Variants in ZNF804B observed in about 807,000 individuals in gnomAD.
The protein encoded by ZNF804B is zinc finger 804B.
In ZNF804B, 80 loss-of-function variants were observed where a neutral mutation model predicts 101.4. The ratio of observed to expected loss-of-function variants is 0.79; its 90% CI spans 0.66 to 0.95. The LOEUF is 0.95. Among genes scored for constraint, ZNF804B ranks in the 40% least tolerant of loss-of-function variants. The probability of loss-of-function intolerance (pLI) is 0.00; values close to 1 mark genes in which losing one functional copy is unlikely to be tolerated. For missense variants in ZNF804B, 1,673 were observed against 1,561.9 expected (o/e 1.07, Z -1.20); for synonymous variants, 622 against 558.8 (o/e 1.11, Z -1.59).
intron 2 of ZNF804B, among the ~76,000 whole-genome samples, chr7:89,277,273 C>T (rs543040992): frequency 1.9e-4 from 28 of 150,142 alleles, no homozygotes; most frequent in Non-Finnish European, 3.6e-4. Context: ...TTAGTCATAT[C>T]TGATGCTAAG....
intron 1 of ZNF804B, among the ~76,000 whole-genome samples, chr7:89,135,133 G>A (rs1468016358): frequency 6.6e-6 from 1 of 152,088 alleles, no homozygotes. Context: ...CCAAGCTCAA[G>A]CATCCATCAC....
intron 1 of ZNF804B, among the ~76,000 whole-genome samples, chr7:88,997,305 T>C (rs116044535): frequency 1.3e-5 from 2 of 152,110 alleles, no homozygotes; most frequent in African/African-American, 4.8e-5. Flanking sequence ...AGGGATGTGG[T>C]TGAATTTCAA....
intron 2 of ZNF804B, among the ~76,000 whole-genome samples, chr7:89,258,143 A>G (rs1417052524): frequency 6.6e-6 from 1 of 152,074 alleles, no homozygotes; most frequent in Non-Finnish European, 1.5e-5. Flanking sequence ...AACTATTTAT[A>G]TAAACTTTAC....
At chr7:89,147,103 T>TATATATATA (rs1562897027) in intron 1 of ZNF804B, among the ~76,000 whole-genome samples, 3 of 130,188 alleles carry the variant, frequency 2.3e-5, no homozygotes, top group Non-Finnish European at 4.9e-5. Context: ...ATATATATAT[T>TATATATATA]TAATGTTTAA....
intron 1 of ZNF804B, among the ~76,000 whole-genome samples, chr7:88,924,499 T>A (rs1792767063): frequency 6.6e-6 from 1 of 152,150 alleles, no homozygotes; most frequent in African/African-American, 2.4e-5. Flanking sequence ...TAAGCCTTTG[T>A]GGTAGGGGAC....
intron 1 of ZNF804B, among the ~76,000 whole-genome samples, chr7:88,860,635 A>G (rs532110449): frequency 6.6e-6 from 1 of 152,226 alleles, no homozygotes; most frequent in South Asian, 2.1e-4. Flanking sequence ...TGTCTGAGAT[A>G]ATTGGATTGT....
At chr7:88,955,011 A>G (rs745528663) in intron 1 of ZNF804B, among the ~76,000 whole-genome samples, 2 of 151,194 alleles carry the variant, frequency 1.3e-5, no homozygotes, top group Non-Finnish European at 3.0e-5. Flanking sequence ...TTATAATCCT[A>G]GCTCTTAGGG....
At chr7:89,230,241 C>T (rs1789168777) in intron 2 of ZNF804B, among the ~76,000 whole-genome samples, 1 of 151,562 alleles carries the variant, frequency 6.6e-6, no homozygotes, top group African/African-American at 2.4e-5. Context: ...AGCTGACTCT[C>T]TTAAAAAGAT....
chr7:89,225,204 A>G (rs1317974244), intron 2 of ZNF804B, among the ~76,000 whole-genome samples: 1 of 152,042 alleles, frequency 6.6e-6, no homozygotes, highest in Non-Finnish European at 1.5e-5. Context: ...TGTACCTTGT[A>G]ATGGCCAGAG....
intron 1 of ZNF804B, among the ~76,000 whole-genome samples, chr7:88,875,401 A>G (rs1014100466): frequency 2.0e-5 from 3 of 152,204 alleles, no homozygotes; most frequent in African/African-American, 4.8e-5. Flanking sequence ...AACAAAATTG[A>G]TAAACTGCTA....
intron 2 of ZNF804B, among the ~76,000 whole-genome samples, chr7:89,298,600 C>T (rs1790429044): frequency 6.6e-6 from 1 of 151,634 alleles, no homozygotes; most frequent in African/African-American, 2.4e-5. Context: ...CCTTGTATTA[C>T]AAAGCAATAA....
chr7:89,277,535 T>A (rs978826455), intron 2 of ZNF804B, among the ~76,000 whole-genome samples: 1 of 128,730 alleles, frequency 7.8e-6, no homozygotes, highest in African/African-American at 2.9e-5. Flanking sequence ...GAGTGTGATG[T>A]TCCCCTTCCT....
At chr7:88,908,591 G>GT (rs1554345449) in intron 1 of ZNF804B, among the ~76,000 whole-genome samples, 6 of 151,662 alleles carry the variant, frequency 4.0e-5, no homozygotes, top group Admixed American at 2.0e-4. Context: ...TCTTCCCAGT[G>GT]TTTTTTTAAA....
chr7:88,783,617 G>C (rs1790260286), intron 1 of ZNF804B, among the ~76,000 whole-genome samples: 1 of 152,132 alleles, frequency 6.6e-6, no homozygotes, highest in Non-Finnish European at 1.5e-5. Context: ...CTTCACTTTT[G>C]TGAATAAAAA....
rs565336126 is a variant in ZNF804B, at chr7:88,875,488, A to T, written c.108+115404A>T. On this transcript the variant is annotated intron_variant, in intron 1 of 3. Coordinates refer to ENST00000333190, the MANE Select transcript of ZNF804B (RefSeq NM_181646.5). ...AATCATAAAGGAGATATCACCACCG[A>T]TCCCACAGAAATACAAACTACCATC... 5.3e-5 allele frequency among the ~76,000 whole-genome samples: 8 copies of T among 152,338 alleles called. 1 individual carries two copies. Among genetic ancestry groups the T allele is most frequent in the Admixed American group, 5.2e-4 (8 of 15,294 alleles).
At chr7:89,036,553 T>A (rs2040529) in intron 1 of ZNF804B, among the ~76,000 whole-genome samples, 23,666 of 152,038 alleles carry the variant, frequency 0.16, 2,133 homozygotes, top group East Asian at 0.23. Context: ...TAAGTGTGGT[T>A]TTTGAAAAAG....
chr7:88,794,537 G>A, intron 1 of ZNF804B: 1 of 1,613,638 alleles, frequency 6.2e-7, no homozygotes, highest in South Asian at 1.1e-5. Context: ...GGAATGTTAT[G>A]AGAAATGACT....
intron 1 of ZNF804B, among the ~76,000 whole-genome samples, chr7:88,872,465 T>G (rs1583988596): frequency 6.6e-6 from 1 of 152,116 alleles, no homozygotes; most frequent in South Asian, 2.1e-4. Context: ...TCTTTATGTT[T>G]TATTTTATTT....
At chr7:89,135,078 T>C (rs1790610174) in intron 1 of ZNF804B, among the ~76,000 whole-genome samples, 1 of 152,096 alleles carries the variant, frequency 6.6e-6, no homozygotes, top group African/African-American at 2.4e-5. Flanking sequence ...TAGAAAATAT[T>C]CGTTGTATTT....
Sources: gnomAD v4.1 joint callset for allele counts (sites outside exome capture counted in the v4.1 genomes callset) on GRCh38, gnomAD v4.1.1 for gene constraint, MANE v1.5 for transcripts, NCBI Gene and HGNC (gene_info 2026-07-23, HGNC 2026-07-21) for gene names.